TYW3: variants seen among roughly 807,000 people sequenced by gnomAD.
TYW3 encodes tRNA wybutosine-synthesizing protein 3 homolog.
TYW3 carries 26 observed loss-of-function variants against 23.1 expected under a neutral mutation model. The ratio of observed to expected loss-of-function variants is 1.13; its 90% CI spans 0.83 to 1.56. The LOEUF is 1.56. Ranked by LOEUF, TYW3 falls within the 40% of genes most tolerant of loss-of-function variation. TYW3 has a pLI of 0.00. For missense variants in TYW3, 316 were observed against 311.9 expected, an observed-to-expected ratio of 1.01 and a Z score of -0.10; for synonymous variants, 102 against 105.7, an observed-to-expected ratio of 0.97 and a Z score of 0.21.
chr1:74,734,041 T>C (rs984798819), intron 1 of TYW3: 1 of 152,166 alleles, frequency 6.6e-6, no homozygotes, highest in Non-Finnish European at 1.5e-5. Context: ...CATTTTCCAC[T>C]TATGACGGAT....
At chr1:74,742,115 G>A (rs2100759077) in intron 3 of TYW3, among the ~76,000 whole-genome samples, 2 of 152,334 alleles carry the variant, frequency 1.3e-5, no homozygotes, top group South Asian at 4.1e-4. Flanking sequence ...AGACCGACAA[G>A]TATTGAAATC....
chr1:74,762,161 T>G (rs1436531524), intron 5 of TYW3, among the ~76,000 whole-genome samples: 2 of 152,122 alleles, frequency 1.3e-5, no homozygotes. Context: ...AGTGCATAAG[T>G]TCTTGAAAAT....
At chr1:74,751,979 C>T (rs371395054) in intron 4 of TYW3, among the ~76,000 whole-genome samples, 5 of 152,120 alleles carry the variant, frequency 3.3e-5, no homozygotes, top group South Asian at 2.1e-4. Context: ...TTCTTTAAGT[C>T]GTGTATTATG....
chr1:74,754,709 T>TA (rs1003432299), intron 5 of TYW3, among the ~76,000 whole-genome samples: 30 of 150,958 alleles, frequency 2.0e-4, no homozygotes, highest in East Asian at 9.7e-4. Context: ...ATATTTTTAA[T>TA]AAAAAAAAAG....
chr1:74,758,169 C>T (rs79337825), intron 5 of TYW3, among the ~76,000 whole-genome samples: 2,026 of 152,220 alleles, frequency 0.013, 24 homozygotes, highest in East Asian at 0.048. Context: ...TTGTAGGTTT[C>T]TCTTCTTCCT....
intron 5 of TYW3, among the ~76,000 whole-genome samples, chr1:74,755,909 G>GA (rs1345404225): frequency 1.3e-5 from 2 of 152,192 alleles, no homozygotes; most frequent in Non-Finnish European, 1.5e-5. Flanking sequence ...GAGGGAGCTG[G>GA]AGGGAGGTAA....
intron 2 of TYW3, 125 bp downstream of exon 2, chr1:74,736,747 C>G: frequency 1.4e-6 from 1 of 719,182 alleles, no homozygotes; most frequent in Non-Finnish European, 2.2e-6. Context: ...ATTATAAAAC[C>G]TAGAGAGCTT....
Position 74,733,273 on chromosome 1 carries a change from G to A in TYW3, c.29G>A (p.Trp10Ter), listed in dbSNP as rs955730655. The change falls in exon 1 of 6, where the codon TGG (tryptophan) becomes TAG (stop). Residue 10 changes from tryptophan to a stop codon, truncating the protein, a stop_gained. Coordinates refer to ENST00000370867, the MANE Select transcript of TYW3 (RefSeq NM_138467.3). LOFTEE classifies it high-confidence loss of function. ...GATCGCAGCGCGGAGTTCAGGAAAT[G>A]GAAGGCGCAATGTTTGAGCAAAGCG... MDRSAEFRKWKAQCLSKADL... is the reference protein window; with the variant it reads MDRSAEFRK 1 of 1,614,084 alleles carries A rather than the reference G, an allele frequency of 6.2e-7. No individual in the cohort carries two copies. The highest frequency in any genetic ancestry group is 1.3e-5 in the African/African-American group (1 of 74,938).
intron 5 of TYW3, among the ~76,000 whole-genome samples, chr1:74,755,865 C>T (rs1176128532): frequency 3.3e-5 from 5 of 152,182 alleles, no homozygotes; most frequent in Admixed American, 6.5e-5. Flanking sequence ...TTTGTCCTCA[C>T]CCAAATCTCA....
chr1:74,741,511 T>A (rs555505573), intron 3 of TYW3, among the ~76,000 whole-genome samples: 1 of 152,270 alleles, frequency 6.6e-6, no homozygotes, highest in African/African-American at 2.4e-5. Flanking sequence ...AGTATGGTCC[T>A]TCCCACAAAG....
intron 3 of TYW3, among the ~76,000 whole-genome samples, chr1:74,740,432 G>C (rs1039194508): frequency 5.3e-5 from 8 of 152,246 alleles, no homozygotes; most frequent in African/African-American, 1.9e-4. Context: ...AGCTTCTGCA[G>C]CTTGGAAGGG....
rs187500174 is a variant in TYW3 at position 74,741,270 on chromosome 1, C to T, written c.354+2482C>T. On this transcript the variant is annotated intron_variant, in intron 3 of 5. Coordinates refer to ENST00000370867, the MANE Select transcript of TYW3 (RefSeq NM_138467.3). ...TTTTAAGGAGGAATGGGTTTTTCCT[C>T]AGGATCAGAGGTAAGAGCCTTTTTA... Among the ~76,000 whole-genome samples the T allele has an allele frequency of 3.9e-3, 589 of 152,282 alleles. 4 individuals carry two copies. The highest frequency in any genetic ancestry group is 0.014 in the Middle Eastern group (4 of 294).
At position 74,752,413 on chromosome 1, in the gene TYW3, A is replaced by T; in HGVS notation, c.548A>T (p.Lys183Ile). The part of the protein sequence containing the change: ...VANQKMEENK[K>I]RIERFYNCLQ... ...AATCAAAAAATGGAGGAAAACAAGAAAAGAATTGAGAGGTATATTAATTGG... is the reference window on the plus strand; with the variant it reads ...AATCAAAAAATGGAGGAAAACAAGATAAGAATTGAGAGGTATATTAATTGG... The change falls in exon 5 of 6, where the codon AAA becomes ATA. Residue 183 changes from lysine (K) to isoleucine (I), a missense_variant. Physicochemically the swap from Lys to Ile is moderately radical, Grantham distance 102. Transcript: ENST00000370867. 6.2e-7 allele frequency: 1 copy of T among 1,613,520 alleles called. No individual in the cohort carries two copies. The highest frequency in any genetic ancestry group is 2.2e-5 in the East Asian group (1 of 44,820).
chr1:74,745,804 A>T lies in TYW3; in HGVS notation c.355-2947A>T, dbSNP rs375877370. ...CTCACAGTTAGGAGGCTGAAAGTCCAGGATGAAGGTACTGGCAGGGGTAGT... is the reference window on the plus strand; with the variant it reads ...CTCACAGTTAGGAGGCTGAAAGTCCTGGATGAAGGTACTGGCAGGGGTAGT... On this transcript the variant is annotated intron_variant, in intron 3 of 5. Coordinates refer to ENST00000370867, the MANE Select transcript of TYW3 (RefSeq NM_138467.3). Among the ~76,000 whole-genome samples the T allele has an allele frequency of 4.3e-4, 65 of 152,372 alleles. 1 individual carries two copies. The highest frequency in any genetic ancestry group is 3.5e-3 in the South Asian group (17 of 4,832).
At position 74,760,130 on chromosome 1, in the gene TYW3, A is replaced by G. The variant is rs1332365045; in HGVS notation, c.561-3764A>G. Among the ~76,000 whole-genome samples, 7 of 152,320 alleles carry G rather than the reference A, an allele frequency of 4.6e-5. No individual in the cohort carries two copies. The South Asian group carries it at 1.4e-3, about 32-fold the overall frequency. ...GAAAATCATAAGGAAGAGAAAATAT[A>G]TTTATTATTCATTAAGTGGAAATGG... On this transcript the variant is annotated intron_variant, in intron 5 of 5. Transcript: ENST00000370867.
At chr1:74,739,712 G>C (rs1648284232) in intron 3 of TYW3, among the ~76,000 whole-genome samples, 1 of 152,214 alleles carries the variant, frequency 6.6e-6, no homozygotes, top group Non-Finnish European at 1.5e-5. Flanking sequence ...TTTAAGCAAA[G>C]AGTGGCTTTC....
intron 5 of TYW3, among the ~76,000 whole-genome samples, chr1:74,756,576 G>C (rs1335198763): frequency 6.6e-6 from 1 of 152,198 alleles, no homozygotes; most frequent in Non-Finnish European, 1.5e-5. Context: ...GCATTCAAGA[G>C]GTGACTTGGG....
intron 3 of TYW3, among the ~76,000 whole-genome samples, chr1:74,747,847 A>G (rs543100972): frequency 2.0e-3 from 308 of 151,512 alleles, no homozygotes; most frequent in Non-Finnish European, 3.9e-3. Flanking sequence ...ATATATGTGT[A>G]TACACATATG....
chr1:74,744,680 C>T (rs1022951807), intron 3 of TYW3, among the ~76,000 whole-genome samples: 1 of 152,192 alleles, frequency 6.6e-6, no homozygotes, highest in Non-Finnish European at 1.5e-5. Flanking sequence ...GAATTGGTTC[C>T]TTCCGATGGG....
Sources: allele counts gnomAD v4.1 joint callset (sites outside exome capture counted in the v4.1 genomes callset), GRCh38; gene constraint gnomAD v4.1.1; transcripts MANE v1.5; gene names NCBI Gene and HGNC (gene_info 2026-07-23, HGNC 2026-07-21).